The following SCAPER variants were observed in gnomAD, a reference collection of about 807,000 sequenced individuals.
SCAPER encodes the protein S-phase cyclin A associated protein in the ER.
In SCAPER, 98 loss-of-function variants were observed where a neutral mutation model predicts 182.2. The ratio of observed to expected loss-of-function variants is 0.54; its 90% CI spans 0.46 to 0.64. The LOEUF is 0.64. Among genes scored for constraint, SCAPER ranks in the 30% least tolerant of loss-of-function variants. SCAPER has a pLI of 0.00. For synonymous variants in SCAPER, 605 were observed against 564.6 expected (o/e 1.07, Z -1.01); for missense variants, 1,432 against 1,690.0 (o/e 0.85, Z 2.68).
chr15:76,876,959 G>T (rs1296364742), intron 2 of SCAPER, among the ~76,000 whole-genome samples: 1 of 152,168 alleles, frequency 6.6e-6, no homozygotes, highest in Non-Finnish European at 1.5e-5. Context: ...GATTTGGCTG[G>T]GTACACTGGC....
At chr15:76,440,905 TGG>T (rs1567143963) in intron 25 of SCAPER, among the ~76,000 whole-genome samples, 2 of 134,194 alleles carry the variant, frequency 1.5e-5, no homozygotes, top group Non-Finnish European at 3.2e-5. Flanking sequence ...ATTCCCCTTC[TGG>T]TTTTTTTTTT....
chr15:76,713,645 G>A (rs1223349982), intron 17 of SCAPER, among the ~76,000 whole-genome samples: 2 of 151,918 alleles, frequency 1.3e-5, no homozygotes, highest in Admixed American at 1.3e-4. Context: ...GGGGGGAGAG[G>A]GGAGGGATAG....
At chr15:76,529,308 A>C (rs1269557985) in intron 23 of SCAPER, among the ~76,000 whole-genome samples, 1 of 152,200 alleles carries the variant, frequency 6.6e-6, no homozygotes, top group Non-Finnish European at 1.5e-5. Context: ...AGCCTCCCAA[A>C]GTGATGGGAA....
chr15:76,545,814 C>T (rs1426969050), intron 23 of SCAPER, among the ~76,000 whole-genome samples: 1 of 151,972 alleles, frequency 6.6e-6, no homozygotes, highest in Non-Finnish European at 1.5e-5. Context: ...AAAGATGGAG[C>T]AACACAGAGA....
At chr15:76,862,280 C>CA (rs2071940478) in intron 3 of SCAPER, 136 bp downstream of exon 3, 4 of 538,018 alleles carry the variant, frequency 7.4e-6, no homozygotes, top group South Asian at 2.8e-5. Flanking sequence ...ATAAAAGCAA[C>CA]AAAAAAGTAT....
intron 8 of SCAPER, among the ~76,000 whole-genome samples, chr15:76,791,642 T>TG (rs1157445617): frequency 6.6e-6 from 1 of 151,616 alleles, no homozygotes; most frequent in East Asian, 1.9e-4. Flanking sequence ...TTAAGAAGTC[T>TG]GACAACTGCT....
At chr15:76,844,778 CCAAA>C (rs2069874379) in intron 4 of SCAPER, among the ~76,000 whole-genome samples, 1 of 152,072 alleles carries the variant, frequency 6.6e-6, no homozygotes, top group African/African-American at 2.4e-5. Flanking sequence ...CTAAATTTTA[CCAAA>C]CATTTAAAAA....
chr15:76,537,010 G>A (rs2044227349), intron 23 of SCAPER, among the ~76,000 whole-genome samples: 1 of 152,092 alleles, frequency 6.6e-6, no homozygotes, highest in African/African-American at 2.4e-5. Context: ...CAACTTACAA[G>A]GGACGTGAAG....
intron 5 of SCAPER, among the ~76,000 whole-genome samples, chr15:76,823,450 A>T (rs983819877): frequency 6.6e-6 from 1 of 152,034 alleles, no homozygotes; most frequent in African/African-American, 2.4e-5. Context: ...ACAAGAGCAA[A>T]ACTCTGTCTC....
chr15:76,838,234 G>C (rs956058267), intron 5 of SCAPER, among the ~76,000 whole-genome samples: 12 of 152,148 alleles, frequency 7.9e-5, no homozygotes, highest in Non-Finnish European at 7.3e-5. Context: ...GAAAAAACAA[G>C]ATCATGTGCT....
At chr15:76,638,072 A>G (rs2053793195) in intron 21 of SCAPER, among the ~76,000 whole-genome samples, 1 of 151,970 alleles carries the variant, frequency 6.6e-6, no homozygotes, top group Non-Finnish European at 1.5e-5. Context: ...TCTTTTACAA[A>G]TATCTTCTCT....
intron 22 of SCAPER, among the ~76,000 whole-genome samples, chr15:76,613,955 A>C (rs1043053795): frequency 2.0e-5 from 3 of 152,232 alleles, no homozygotes; most frequent in African/African-American, 7.2e-5. Flanking sequence ...ACATATGTTC[A>C]TCACAGCACT....
At chr15:76,866,248 T>C (rs1458788998) in intron 2 of SCAPER, among the ~76,000 whole-genome samples, 1 of 152,044 alleles carries the variant, frequency 6.6e-6, no homozygotes, top group Admixed American at 6.6e-5. Context: ...ACTGAGTGTG[T>C]GTGTGTGTGT....
At chr15:76,678,485 A>G (rs2057494294) in intron 20 of SCAPER, among the ~76,000 whole-genome samples, 1 of 152,138 alleles carries the variant, frequency 6.6e-6, no homozygotes, top group Non-Finnish European at 1.5e-5. Context: ...ACGACAACAA[A>G]TAAGATAAAT....
At chr15:76,441,228 C>A in intron 25 of SCAPER, among the ~76,000 whole-genome samples, 1 of 151,966 alleles carries the variant, frequency 6.6e-6, no homozygotes, top group Non-Finnish European at 1.5e-5. Flanking sequence ...GCCTATTCTC[C>A]TTCTTTTTAT....
Position 76,381,545 on chromosome 15 carries a change from G to A in SCAPER, c.3538C>T (p.Leu1180=). 1 of 1,612,224 alleles carries A rather than the reference G, an allele frequency of 6.2e-7. No individual in the cohort carries two copies. The highest frequency in any genetic ancestry group is 8.5e-7 in the Non-Finnish European group (1 of 1,179,176). ...GLTAALQATD[L]AGVLHMLYCV... is the part of the protein sequence containing the mutation. ...TAGAGCATATGAAGAACTCCAGCCA[G>A]GTCGGTTGCCTGAAGAGCAGCTGTC... is the stretch of plus-strand genomic sequence containing the variant. Residue 1180 remains leucine, a synonymous_variant, in exon 28 of 32, where the codon CTG becomes TTG. Transcript: ENST00000563290.
chr15:76,690,923 G>A (rs2058318031), intron 20 of SCAPER, among the ~76,000 whole-genome samples: 1 of 152,034 alleles, frequency 6.6e-6, no homozygotes, highest in African/African-American at 2.4e-5. Flanking sequence ...TATGAACACA[G>A]TGAACCCAAA....
chr15:76,523,277 AAATGAGG>A (rs2042956751), intron 23 of SCAPER, among the ~76,000 whole-genome samples: 1 of 152,096 alleles, frequency 6.6e-6, no homozygotes, highest in Non-Finnish European at 1.5e-5. Context: ...TATTTGCATA[AAATGAGG>A]AAGACTTGAA....
At chr15:76,485,632 CTA>C (rs1322305506) in intron 24 of SCAPER, among the ~76,000 whole-genome samples, 2 of 152,158 alleles carry the variant, frequency 1.3e-5, no homozygotes, top group African/African-American at 4.8e-5. Flanking sequence ...CAACTTCAAA[CTA>C]TACTACAGGG....
Sources: gnomAD v4.1 joint callset for allele counts (sites outside exome capture counted in the v4.1 genomes callset) on GRCh38, gnomAD v4.1.1 for gene constraint, MANE v1.5 for transcripts, NCBI Gene and HGNC (gene_info 2026-07-23, HGNC 2026-07-21) for gene names.